The following LIFR variants were observed in gnomAD, a reference collection of about 807,000 sequenced individuals.
LIFR encodes the protein LIF receptor subunit alpha.
LIFR carries 84 observed loss-of-function variants against 122.2 expected under a neutral mutation model. The observed-to-expected ratio is 0.69, with a 90% CI of 0.58 to 0.82. The LOEUF (loss-of-function observed/expected upper bound fraction) is 0.82, where lower values mean the gene tolerates loss of function less well. Ranked by LOEUF, LIFR falls within the 40% of genes least tolerant of loss-of-function variation. The probability of loss-of-function intolerance (pLI) is 0.00; values close to 1 mark genes in which losing one functional copy is unlikely to be tolerated. For missense variants in LIFR, 1,294 were observed against 1,311.6 expected (o/e 0.99, Z 0.21); for synonymous variants, 422 against 434.7 (o/e 0.97, Z 0.36).
At chr5:38,589,718 A>ATGTGTGTGTGTG (rs35505046) in intron 1 of LIFR, among the ~76,000 whole-genome samples, 63 of 146,290 alleles carry the variant, frequency 4.3e-4, no homozygotes, top group African/African-American at 1.5e-3. Flanking sequence ...AGAGAAGAAA[A>ATGTGTGTGTGTG]TGTGTGTGTG....
At chr5:38,602,022 T>C (rs1179153772) in intron 2 of LIFR, among the ~76,000 whole-genome samples, 1 of 152,218 alleles carries the variant, frequency 6.6e-6, no homozygotes, top group Non-Finnish European at 1.5e-5. Flanking sequence ...TGCCTCTTAA[T>C]CATCTGTCAA....
At chr5:38,555,868 C>T (rs544866746) in intron 1 of LIFR, among the ~76,000 whole-genome samples, 41 of 152,272 alleles carry the variant, frequency 2.7e-4, no homozygotes, top group African/African-American at 8.7e-4. Context: ...CTAACTTTGA[C>T]CTCCAACACT....
intron 2 of LIFR, among the ~76,000 whole-genome samples, chr5:38,605,928 C>A (rs540371234): frequency 6.6e-6 from 1 of 152,264 alleles, no homozygotes; most frequent in East Asian, 1.9e-4. Flanking sequence ...TGTATAAAAC[C>A]CAGATGTGCC....
intron 5 of LIFR, among the ~76,000 whole-genome samples, chr5:38,515,516 T>C (rs1746028772): frequency 6.6e-6 from 1 of 151,538 alleles, no homozygotes; most frequent in Non-Finnish European, 1.5e-5. Flanking sequence ...TAGACCATAA[T>C]ACAAATGATG....
intron 7 of LIFR, among the ~76,000 whole-genome samples, chr5:38,509,418 G>C (rs1037182927): frequency 6.6e-6 from 1 of 152,102 alleles, no homozygotes; most frequent in African/African-American, 2.4e-5. Flanking sequence ...GACAAAAAGA[G>C]AGTCAGATTA....
intron 1 of LIFR, chr5:38,550,332 G>T: frequency 1.8e-6 from 1 of 545,822 alleles, no homozygotes; most frequent in Non-Finnish European, 2.3e-6. Flanking sequence ...AACAATAAAT[G>T]CTAGATTTTA....
At chr5:38,518,358 T>A (rs1746216486) in intron 5 of LIFR, among the ~76,000 whole-genome samples, 1 of 152,128 alleles carries the variant, frequency 6.6e-6, no homozygotes, top group South Asian at 2.1e-4. Flanking sequence ...ATGGGAATAA[T>A]AATAGTATCA....
At chr5:38,487,726 G>A (rs190883441) in intron 16 of LIFR, among the ~76,000 whole-genome samples, 3 of 152,272 alleles carry the variant, frequency 2.0e-5, no homozygotes, top group African/African-American at 7.2e-5. Context: ...ATGGCAGAAA[G>A]CGAAACCATG....
intron 5 of LIFR, among the ~76,000 whole-genome samples, chr5:38,518,383 T>C (rs968864663): frequency 3.9e-5 from 6 of 152,110 alleles, no homozygotes; most frequent in African/African-American, 1.4e-4. Context: ...CCTGGGACTG[T>C]TGTGAGGATA....
chr5:38,528,225 G>A lies in LIFR; in HGVS notation c.257+501C>T, dbSNP rs191815725. On this transcript the variant is annotated intron_variant, in intron 3 of 19. Coordinates refer to ENST00000453190, the MANE Select transcript of LIFR (RefSeq NM_001127671.2). ...TACACCTCCTCTGACAGCCTTTCTA[G>A]ACATTCATACTCCTAGTGTCCACTC... Among the ~76,000 whole-genome samples, 6 of 152,260 alleles carry A rather than the reference G, an allele frequency of 3.9e-5. No homozygotes were observed. The East Asian group carries it at 1.2e-3, about 29-fold the overall frequency.
chr5:38,606,390 A>G (rs1750330236), intron 1 of LIFR: 1 of 152,186 alleles, frequency 6.6e-6, no homozygotes, highest in Non-Finnish European at 1.5e-5. Flanking sequence ...ACACTTTTAA[A>G]TTACCAGATC....
chr5:38,538,736 A>G (rs1747423412), intron 1 of LIFR, among the ~76,000 whole-genome samples: 1 of 152,194 alleles, frequency 6.6e-6, no homozygotes, highest in Admixed American at 6.5e-5. Context: ...CGTAATTTAC[A>G]ACCCTCTGGC....
intron 1 of LIFR, among the ~76,000 whole-genome samples, chr5:38,543,503 C>A (rs962940537): frequency 6.6e-6 from 1 of 152,132 alleles, no homozygotes; most frequent in African/African-American, 2.4e-5. Flanking sequence ...TGAAGATAAA[C>A]CAAGGCTACA....
At chr5:38,493,529 T>G (rs911527194) in intron 14 of LIFR, 77 bp downstream of exon 14, 2 of 1,375,830 alleles carry the variant, frequency 1.5e-6, no homozygotes, top group Non-Finnish European at 2.1e-6. Context: ...GAGAATCACT[T>G]CACTGCACCC....
chr5:38,582,656 TCTTTAGTAAC>T (rs1206764028), intron 1 of LIFR, among the ~76,000 whole-genome samples: 1 of 152,228 alleles, frequency 6.6e-6, no homozygotes, highest in Non-Finnish European at 1.5e-5. Flanking sequence ...GTAAGCTTCA[TCTTTAGTAAC>T]CTTTTTGGAC....
intron 1 of LIFR, among the ~76,000 whole-genome samples, chr5:38,553,495 A>C (rs778508446): frequency 6.6e-6 from 1 of 151,334 alleles, no homozygotes; most frequent in Non-Finnish European, 1.5e-5. Flanking sequence ...CTGGAATATT[A>C]ACAGATGCCC....
At chr5:38,557,510 G>A (rs1748651363), upstream of LIFR, 2 of 154,776 alleles carry the variant, frequency 1.3e-5, no homozygotes, top group Admixed American at 1.3e-4. Context: ...GTTCAGAAAT[G>A]TGCCAGACAG....
intron 1 of LIFR, among the ~76,000 whole-genome samples, chr5:38,571,599 G>A (rs555902968): frequency 2.3e-4 from 34 of 149,368 alleles, no homozygotes; most frequent in Non-Finnish European, 4.6e-4. Context: ...TGATTGAGCT[G>A]TACAAAAGCC....
chr5:38,500,019 T>C lies in LIFR; in HGVS notation c.1601-436A>G, dbSNP rs533070496. Among the ~76,000 whole-genome samples the C allele has an allele frequency of 1.1e-4, 16 of 152,314 alleles. 1 individual carries two copies. In the South Asian group the frequency reaches 2.3e-3, roughly 22 times the overall value. The stretch of plus-strand genomic sequence containing the variant: ...TGATCTTTGTATCTCAGCTTGAGTA[T>C]TACCTTATTAGTGAGGTCTTTTCTA... On this transcript the variant is annotated intron_variant, in intron 11 of 19. Transcript: ENST00000453190.
Sources: allele counts gnomAD v4.1 joint callset (sites outside exome capture counted in the v4.1 genomes callset), GRCh38; gene constraint gnomAD v4.1.1; transcripts MANE v1.5; gene names NCBI Gene and HGNC (gene_info 2026-07-23, HGNC 2026-07-21).